Variants in NKAIN2 observed in about 807,000 individuals in gnomAD.
NKAIN2 encodes the protein sodium/potassium transporting ATPase interacting 2.
In NKAIN2, 14 loss-of-function variants were observed where a neutral mutation model predicts 32.6. That is an observed-to-expected ratio of 0.43 (90% CI 0.28 to 0.67). The LOEUF is 0.67. Ranked by LOEUF, NKAIN2 falls within the 30% of genes least tolerant of loss-of-function variation. The pLI, the probability that NKAIN2 is intolerant of heterozygous loss-of-function variation, is 0.17. For synonymous variants in NKAIN2, 80 were observed against 87.2 expected, an observed-to-expected ratio of 0.92 and a Z score of 0.46; for missense variants, 198 against 258.3, an observed-to-expected ratio of 0.77 and a Z score of 1.60.
chr6:124,617,382 C>T (rs897321094), intron 3 of NKAIN2, among the ~76,000 whole-genome samples: 1 of 152,184 alleles, frequency 6.6e-6, no homozygotes, highest in Non-Finnish European at 1.5e-5. Flanking sequence ...ATGTCTCATG[C>T]TTGCCCATGA....
At chr6:124,199,728 C>T (rs548507491) in intron 1 of NKAIN2, among the ~76,000 whole-genome samples, 24 of 152,078 alleles carry the variant, frequency 1.6e-4, no homozygotes, top group Admixed American at 1.2e-3. Context: ...ATTTTGAATG[C>T]GATAACTAGA....
chr6:124,394,882 T>TAAC (rs1773309501), intron 3 of NKAIN2, among the ~76,000 whole-genome samples: 1 of 152,194 alleles, frequency 6.6e-6, no homozygotes, highest in South Asian at 2.1e-4. Flanking sequence ...CATATAAAGT[T>TAAC]AACCATCACA....
chr6:124,019,589 AT>A (rs113571628), intron 1 of NKAIN2, among the ~76,000 whole-genome samples: 16 of 152,186 alleles, frequency 1.1e-4, no homozygotes, highest in Middle Eastern at 3.4e-3. Flanking sequence ...TTTTTCTGCC[AT>A]TTTTTTGCAA....
rs114776207 is a variant in NKAIN2 at position 124,126,601 on chromosome 6, G to A, written c.55-156404G>A. Among the ~76,000 whole-genome samples, 1,321 of 152,118 alleles carry A rather than the reference G, an allele frequency of 8.7e-3. 21 individuals carry two copies. The highest frequency in any genetic ancestry group is 0.029 in the African/African-American group (1,204 of 41,490). On this transcript the variant is annotated intron_variant, in intron 1 of 6. Coordinates refer to ENST00000368417, the MANE Select transcript of NKAIN2 (RefSeq NM_001040214.3). ...CCTACTGGAGGACACTGATTTAGCC[G>A]TTCAGTATTGCCCAATCCTTCATTA...
At chr6:124,002,449 C>T (rs373894265) in intron 1 of NKAIN2, among the ~76,000 whole-genome samples, 2 of 151,280 alleles carry the variant, frequency 1.3e-5, no homozygotes, top group East Asian at 1.9e-4. Flanking sequence ...CTATCTGTCC[C>T]TTTTTTTTTC....
chr6:124,381,874 T>G (rs1221159800), intron 3 of NKAIN2, among the ~76,000 whole-genome samples: 1 of 151,900 alleles, frequency 6.6e-6, no homozygotes, highest in Non-Finnish European at 1.5e-5. Flanking sequence ...ATTCTAAGCT[T>G]CTCAGTGCTT....
chr6:124,211,726 A>G (rs1301356082), intron 1 of NKAIN2, among the ~76,000 whole-genome samples: 1 of 152,074 alleles, frequency 6.6e-6, no homozygotes, highest in Non-Finnish European at 1.5e-5. Context: ...ATCAGTGAAA[A>G]TAGGCAATGG....
intron 3 of NKAIN2, among the ~76,000 whole-genome samples, chr6:124,503,438 T>C (rs1208795072): frequency 6.6e-6 from 1 of 152,118 alleles, no homozygotes; most frequent in Non-Finnish European, 1.5e-5. Context: ...TGATGTGAAA[T>C]ATAGCCCGAA....
intron 1 of NKAIN2, among the ~76,000 whole-genome samples, chr6:124,251,820 T>TA (rs1405031337): frequency 1.3e-5 from 2 of 152,022 alleles, no homozygotes; most frequent in African/African-American, 4.8e-5. Context: ...TATTACCTAA[T>TA]AAATATTGGT....
At chr6:124,034,954 A>G (rs1442288598) in intron 1 of NKAIN2, among the ~76,000 whole-genome samples, 2 of 151,986 alleles carry the variant, frequency 1.3e-5, no homozygotes, top group African/African-American at 4.8e-5. Context: ...CCACTTGTTT[A>G]GAAGGAGGCT....
intron 2 of NKAIN2, among the ~76,000 whole-genome samples, chr6:124,289,575 C>G (rs1000625360): frequency 6.6e-6 from 1 of 152,088 alleles, no homozygotes; most frequent in Non-Finnish European, 1.5e-5. Context: ...ATCGCATACT[C>G]AATTTGCATG....
At chr6:124,077,496 C>T (rs1423798117) in intron 1 of NKAIN2, among the ~76,000 whole-genome samples, 3 of 152,158 alleles carry the variant, frequency 2.0e-5, no homozygotes, top group Non-Finnish European at 2.9e-5. Flanking sequence ...CTACTTGATT[C>T]TCCCTGTGGC....
intron 1 of NKAIN2, among the ~76,000 whole-genome samples, chr6:124,138,066 A>G (rs899019460): frequency 2.0e-5 from 3 of 152,164 alleles, no homozygotes; most frequent in African/African-American, 7.2e-5. Context: ...TAAATAGACA[A>G]CCCACAGAGT....
intron 5 of NKAIN2, among the ~76,000 whole-genome samples, chr6:124,806,209 G>C (rs928441220): frequency 3.3e-5 from 5 of 152,114 alleles, no homozygotes; most frequent in Admixed American, 2.6e-4. Flanking sequence ...AAGTTGAAAT[G>C]AAGGAAAAAA....
intron 4 of NKAIN2, among the ~76,000 whole-genome samples, chr6:124,730,640 A>G (rs1282739872): frequency 2.1e-5 from 3 of 143,100 alleles, no homozygotes; most frequent in African/African-American, 5.2e-5. Flanking sequence ...CATTCAGGAC[A>G]TAGGCATGGG....
intron 1 of NKAIN2, among the ~76,000 whole-genome samples, chr6:124,256,885 G>GTTTTTTTTTT (rs568654193): frequency 6.9e-4 from 52 of 75,826 alleles, no homozygotes; most frequent in Admixed American, 1.2e-3. Context: ...GCTTTCTGTT[G>GTTTTTTTTTT]TTTTTTTTTT....
At chr6:124,080,786 C>G (rs776005347) in intron 1 of NKAIN2, among the ~76,000 whole-genome samples, 4 of 152,136 alleles carry the variant, frequency 2.6e-5, no homozygotes, top group Non-Finnish European at 5.9e-5. Flanking sequence ...CCTCTTCCTT[C>G]TTTCCTGTAT....
chr6:123,929,258 G>T (rs1421272856), intron 1 of NKAIN2, among the ~76,000 whole-genome samples: 1 of 152,142 alleles, frequency 6.6e-6, no homozygotes, highest in Non-Finnish European at 1.5e-5. Flanking sequence ...TATGCTCAGT[G>T]AAAAAGGATC....
chr6:124,419,205 G>A (rs1774636460), intron 3 of NKAIN2, among the ~76,000 whole-genome samples: 1 of 151,694 alleles, frequency 6.6e-6, no homozygotes, highest in Admixed American at 6.6e-5. Flanking sequence ...TTCTTCTCTA[G>A]TCTTGTTTCT....
Sources: gnomAD v4.1 joint callset for allele counts (sites outside exome capture counted in the v4.1 genomes callset) on GRCh38, gnomAD v4.1.1 for gene constraint, MANE v1.5 for transcripts, NCBI Gene and HGNC (gene_info 2026-07-23, HGNC 2026-07-21) for gene names.